The following MTM1 variants were observed in gnomAD, a reference collection of about 807,000 sequenced individuals.
MTM1 encodes the protein myotubularin.
MTM1 carries 9 observed loss-of-function variants against 52.1 expected under a neutral mutation model. The ratio of observed to expected loss-of-function variants is 0.17; its 90% CI spans 0.10 to 0.30. The LOEUF (loss-of-function observed/expected upper bound fraction) is 0.30. MTM1 is among the 10% of genes least tolerant of loss of function. MTM1 has a pLI of 1.00. For missense variants in MTM1, 277 were observed against 470.7 expected, an observed-to-expected ratio of 0.59 and a Z score of 3.81; for synonymous variants, 136 against 163.8, an observed-to-expected ratio of 0.83 and a Z score of 1.29.
At chrX:150,654,909 A>C (rs2040084512) in intron 10 of MTM1, among the ~76,000 whole-genome samples, 1 of 112,286 alleles carries the variant, frequency 8.9e-6, no homozygotes, top group Non-Finnish European at 1.9e-5. Context: ...AAACCAACCC[A>C]AAATTACATA....
chrX:150,602,551 C>G (rs2039085285), intron 4 of MTM1, among the ~76,000 whole-genome samples: 1 of 112,214 alleles, frequency 8.9e-6, no homozygotes, highest in Non-Finnish European at 1.9e-5. Context: ...GTGGTTTGAC[C>G]ACAGTATGGC....
intron 14 of MTM1, among the ~76,000 whole-genome samples, chrX:150,669,954 A>G (rs964291119): frequency 8.9e-5 from 10 of 111,875 alleles, no homozygotes; most frequent in Non-Finnish European, 1.7e-4. Context: ...CCCCATGCCT[A>G]TGTCCTGAAT....
chrX:150,655,097 G>A (rs782112090), intron 10 of MTM1, among the ~76,000 whole-genome samples: 5 of 110,386 alleles, frequency 4.5e-5, no homozygotes, highest in Admixed American at 3.9e-4. Flanking sequence ...AGGCCGAGGC[G>A]GGAGGATCAC....
At chrX:150,583,915 A>ACG (rs2038726554) in intron 1 of MTM1, among the ~76,000 whole-genome samples, 1 of 51,958 alleles carries the variant, frequency 1.9e-5, no homozygotes, top group African/African-American at 6.9e-5. Context: ...TATATATAAT[A>ACG]TAAAATATAT....
intron 6 of MTM1, among the ~76,000 whole-genome samples, chrX:150,626,305 T>C (rs1484540742): frequency 8.9e-6 from 1 of 111,774 alleles, no homozygotes; most frequent in Non-Finnish European, 1.9e-5. Flanking sequence ...ACATAGGATT[T>C]TTTTGTTATT....
chrX:150,610,176 A>G (rs2039249230), intron 4 of MTM1, among the ~76,000 whole-genome samples: 1 of 111,653 alleles, frequency 9.0e-6, no homozygotes, highest in Admixed American at 9.5e-5. Context: ...CTATCTAATC[A>G]TCAGATATGG....
At chrX:150,628,554 G>T (rs964510965) in intron 6 of MTM1, among the ~76,000 whole-genome samples, 3 of 110,421 alleles carry the variant, frequency 2.7e-5, no homozygotes, top group African/African-American at 9.9e-5. Flanking sequence ...ATATTTCCCT[G>T]TAGCTGTTAT....
chrX:150,613,526 G>A (rs782121070), intron 4 of MTM1, among the ~76,000 whole-genome samples: 4 of 112,005 alleles, frequency 3.6e-5, no homozygotes, highest in Admixed American at 9.5e-5. Context: ...TCTTAGTAGC[G>A]AAATTATTGG....
intron 1 of MTM1, chrX:150,591,182 G>A (rs2038878642): frequency 5.6e-6 from 1 of 179,411 alleles, no homozygotes; most frequent in Admixed American, 9.4e-5. Flanking sequence ...TCTAAGTTGA[G>A]TATCTCTTTC....
At chrX:150,577,298 T>A (rs1557411682) in intron 1 of MTM1, among the ~76,000 whole-genome samples, 1 of 112,566 alleles carries the variant, frequency 8.9e-6, no homozygotes, top group African/African-American at 3.2e-5. Context: ...TGTGGACTCA[T>A]GCTTTTATTT....
intron 2 of MTM1, among the ~76,000 whole-genome samples, chrX:150,593,668 A>T (rs781989653): frequency 2.7e-5 from 3 of 111,797 alleles, no homozygotes; most frequent in Admixed American, 1.9e-4. Context: ...AACCTTTTTT[A>T]AAAAAGTGTG....
intron 6 of MTM1, among the ~76,000 whole-genome samples, chrX:150,625,486 G>T (rs1276483507): frequency 2.7e-5 from 3 of 111,792 alleles, no homozygotes; most frequent in African/African-American, 9.8e-5. Flanking sequence ...ACAAACCATT[G>T]GTTGTACCTT....
Position 150,672,309 on chromosome X carries a change from A to T in MTM1, c.*714A>T, listed in dbSNP as rs1557415179. On this transcript the variant is annotated 3_prime_UTR_variant, in exon 15 of 15. Transcript: ENST00000370396. The stretch of plus-strand genomic sequence containing the variant: ...CCAGTTTTATTTTCTAAATTCTTTC[A>T]TGAGCTTGCCTAAAATTCGGAATGG... 8.9e-6 allele frequency: 1 copy of T among 112,113 alleles called. No individual in the cohort carries two copies. The highest frequency in any genetic ancestry group is 3.2e-5 in the African/African-American group (1 of 30,804). The allele number at this position is 112,113 out of a possible 1,213,427, so 9.2% of individuals were successfully genotyped here.
chrX:150,654,654 A>T (rs2040080223), intron 10 of MTM1, among the ~76,000 whole-genome samples: 1 of 111,780 alleles, frequency 8.9e-6, no homozygotes. Context: ...ATGTACAGGT[A>T]TGTCACATAG....
rs782415081 is a variant in MTM1, at chrX:150,638,908, C to T, written c.445-35C>T. ...GTACTATAATAGTAGACTGTTCCTTCACGCTGAACTTTATTTATTTTTTGC... is the reference window on the plus strand; with the variant it reads ...GTACTATAATAGTAGACTGTTCCTTTACGCTGAACTTTATTTATTTTTTGC... On this transcript the variant is annotated intron_variant, in intron 6 of 14. Transcript: ENST00000370396. The T allele has an allele frequency of 1.6e-5, 16 of 1,011,407 alleles. No homozygotes were observed. In the East Asian group the frequency reaches 4.9e-4, roughly 31 times the overall value. 83.4% of individuals were successfully genotyped at this position (1,011,407 alleles called of 1,213,427 possible).
At chrX:150,577,608 C>A (rs1189381709) in intron 1 of MTM1, among the ~76,000 whole-genome samples, 1 of 111,991 alleles carries the variant, frequency 8.9e-6, no homozygotes, top group Non-Finnish European at 1.9e-5. Context: ...ATCTTTTGCC[C>A]ATTTCTTATT....
chrX:150,606,944 T>TTCCCC (rs2039175416), intron 4 of MTM1, among the ~76,000 whole-genome samples: 1 of 16,739 alleles, frequency 6.0e-5, no homozygotes, highest in Non-Finnish European at 1.0e-4. Context: ...TTCCCTTCCC[T>TTCCCC]CCCCTCCCCC....
intron 4 of MTM1, among the ~76,000 whole-genome samples, chrX:150,614,307 G>A (rs923002608): frequency 5.4e-5 from 6 of 112,123 alleles, no homozygotes. Context: ...GAAACAGGCT[G>A]GAAGTGATAT....
chrX:150,587,374 C>T (rs1557412312), intron 1 of MTM1, among the ~76,000 whole-genome samples: 2 of 111,943 alleles, frequency 1.8e-5, no homozygotes, highest in African/African-American at 6.5e-5. Context: ...ATTGCTGCTT[C>T]AGTGCTACAA....
Sources: gnomAD v4.1 joint callset for allele counts (sites outside exome capture counted in the v4.1 genomes callset) on GRCh38, gnomAD v4.1.1 for gene constraint, MANE v1.5 for transcripts, NCBI Gene and HGNC (gene_info 2026-07-23, HGNC 2026-07-21) for gene names.